TVP23A: variants seen among roughly 807,000 people sequenced by gnomAD.
TVP23A encodes the protein trans-golgi network vesicle protein 23 homolog A.
A neutral mutation model predicts 31.7 loss-of-function variants in TVP23A; 21 were observed. That is an observed-to-expected ratio of 0.66 (90% confidence interval 0.47 to 0.95). The LOEUF (loss-of-function observed/expected upper bound fraction) is 0.95. TVP23A is among the 40% of genes least tolerant of loss of function. The pLI is 0.00. For synonymous variants in TVP23A, 104 were observed against 96.0 expected, an observed-to-expected ratio of 1.08 and a Z score of -0.49; for missense variants, 279 against 255.6, an observed-to-expected ratio of 1.09 and a Z score of -0.62.
At position 10,789,282 on chromosome 16, in the gene TVP23A, T is replaced by C. The variant is rs148588957; in HGVS notation, c.90-14186A>G. Among the ~76,000 whole-genome samples, 211 of 152,254 alleles carry C rather than the reference T, an allele frequency of 1.4e-3. 1 individual carries two copies. Among genetic ancestry groups the C allele is most frequent in the African/African-American group, 4.9e-3 (203 of 41,550 alleles). On this transcript the variant is annotated intron_variant, in intron 2 of 7. Transcript: ENST00000299866. Reference sequence around the variant, plus strand: ...AGCACCTGGAAAGGGAAGGGGGTTCTCAACAGAGTGCAGAATTCCCCCCCA... The same window carrying C: ...AGCACCTGGAAAGGGAAGGGGGTTCCCAACAGAGTGCAGAATTCCCCCCCA...
Position 10,818,533 on chromosome 16 carries a change from T to C in TVP23A, c.-40A>G. ...CCCACCTGGCGCCCAGGCCCGGGGC[T>C]CCAGCTCCGCCCGTCGCCGCTGAAG... On this transcript the variant is annotated 5_prime_UTR_variant, in exon 1 of 8. Transcript: ENST00000299866. This position sits in a 1 kb window ranked among gnomAD's most constrained non-coding sequence, Gnocchi z 4.7. 5 of 1,595,126 alleles carry C rather than the reference T, an allele frequency of 3.1e-6. No homozygotes were observed. The highest frequency in any genetic ancestry group is 4.3e-6 in the Non-Finnish European group (5 of 1,176,254).
intron 2 of TVP23A, among the ~76,000 whole-genome samples, chr16:10,795,906 C>T (rs1201704730): frequency 1.3e-5 from 2 of 152,108 alleles, no homozygotes; most frequent in African/African-American, 2.4e-5. Flanking sequence ...TGAAAACACT[C>T]GGATCTGGAT....
At chr16:10,811,948 C>T (rs1027214015) in intron 2 of TVP23A, among the ~76,000 whole-genome samples, 3 of 141,864 alleles carry the variant, frequency 2.1e-5, no homozygotes, top group Admixed American at 7.0e-5. Flanking sequence ...AACGGAATTA[C>T]ATTAAACCTA....
intron 2 of TVP23A, among the ~76,000 whole-genome samples, chr16:10,807,893 T>G (rs1409979530): frequency 6.6e-6 from 1 of 152,164 alleles, no homozygotes; most frequent in Non-Finnish European, 1.5e-5. Flanking sequence ...GTTTTTTCTT[T>G]TTAGAGGTGG....
At chr16:10,814,868 A>C (rs28513723) in intron 2 of TVP23A, among the ~76,000 whole-genome samples, 4,120 of 151,922 alleles carry the variant, frequency 0.027, 213 homozygotes, top group African/African-American at 0.095. Flanking sequence ...TTGGTTGCTA[A>C]GTGCTGCAGG....
At chr16:10,773,265 T>C (rs765155354) in intron 5 of TVP23A, 48 bp downstream of exon 5, 2 of 1,548,864 alleles carry the variant, frequency 1.3e-6, no homozygotes, top group Non-Finnish European at 1.7e-6. Context: ...GCAAACACTT[T>C]TTTTGCAGAG....
chr16:10,799,750 C>T (rs2033600024), intron 2 of TVP23A, among the ~76,000 whole-genome samples: 1 of 152,158 alleles, frequency 6.6e-6, no homozygotes, highest in Non-Finnish European at 1.5e-5. Flanking sequence ...TGAGGGGTCC[C>T]AGGCTTACTT....
At chr16:10,773,262 C>T (rs1293013610) in intron 5 of TVP23A, 51 bp downstream of exon 5, 1 of 1,544,348 alleles carries the variant, frequency 6.5e-7, no homozygotes, top group African/African-American at 1.4e-5. Context: ...GGTGCAAACA[C>T]TTTTTTTGCA....
At chr16:10,788,643 C>T (rs1175514612) in intron 2 of TVP23A, among the ~76,000 whole-genome samples, 1 of 152,128 alleles carries the variant, frequency 6.6e-6, no homozygotes, top group Non-Finnish European at 1.5e-5. Context: ...GAGTTCTGGT[C>T]TCCACACTAT....
Position 10,766,762 on chromosome 16 carries a change from G to T in TVP23A, c.*2340C>A, listed in dbSNP as rs144218218. On this transcript the variant is annotated 3_prime_UTR_variant, in exon 8 of 8. Transcript: ENST00000299866. This position sits in a 1 kb window ranked among gnomAD's most constrained non-coding sequence, Gnocchi z 4.8. ...CGGGCCTGAGAATAGGGGCTCAAAGGCCCCATTACAGAGTTTTTGTGTTTA... is the reference window on the plus strand; with the variant it reads ...CGGGCCTGAGAATAGGGGCTCAAAGTCCCCATTACAGAGTTTTTGTGTTTA... The T allele has an allele frequency of 1.5e-3, 592 of 396,274 alleles. 1 individual carries two copies. The highest frequency in any genetic ancestry group is 2.9e-3 in the Admixed American group (65 of 22,664). 24.5% of individuals were successfully genotyped at this position (396,274 alleles called of 1,614,324 possible).
chr16:10,810,769 G>A (rs751706159), intron 2 of TVP23A, among the ~76,000 whole-genome samples: 1 of 151,908 alleles, frequency 6.6e-6, no homozygotes, highest in Non-Finnish European at 1.5e-5. Flanking sequence ...CTTACACGTC[G>A]GCCCCTCTGT....
At chr16:10,758,995 T>G (rs139311856), downstream of TVP23A, among the ~76,000 whole-genome samples, 32 of 152,262 alleles carry the variant, frequency 2.1e-4, no homozygotes, top group African/African-American at 6.7e-4. Flanking sequence ...AACTGAGGGC[T>G]CTTCTCCATC....
At chr16:10,761,400 T>A (rs1282669631) in exon 9 of TVP23A, 2 of 1,614,022 alleles carry the variant, frequency 1.2e-6, no homozygotes, top group Non-Finnish European at 8.5e-7. Context: ...AGAAATCAAC[T>A]TCTGCCGCAA....
At chr16:10,769,168 GC>G in intron 7 of TVP23A, 67 bp from the exon 8 acceptor site, 2 of 1,512,156 alleles carry the variant, frequency 1.3e-6, no homozygotes, top group Non-Finnish European at 1.8e-6. Flanking sequence ...AGCACATCCA[GC>G]CAGACCCGAC....
chr16:10,804,100 T>G (rs2033833704), intron 2 of TVP23A, among the ~76,000 whole-genome samples: 1 of 152,126 alleles, frequency 6.6e-6, no homozygotes, highest in Non-Finnish European at 1.5e-5. Context: ...GGGCTCTGGG[T>G]GAGTGGCCTT....
At chr16:10,801,891 C>G (rs886945673) in intron 2 of TVP23A, among the ~76,000 whole-genome samples, 1 of 152,092 alleles carries the variant, frequency 6.6e-6, no homozygotes, top group Admixed American at 6.5e-5. Flanking sequence ...ACATTGATGG[C>G]TGGACACAGT....
rs1219932936 is a variant in TVP23A, at chr16:10,770,320, A to G, written c.594T>C (p.Gly198=). 4 of 1,550,958 alleles carry G rather than the reference A, an allele frequency of 2.6e-6. No individual in the cohort carries two copies. The highest frequency in any genetic ancestry group is 3.5e-6 in the Non-Finnish European group (4 of 1,146,900). Residue 198 remains glycine, a synonymous_variant, in exon 7 of 8, where the codon GGT becomes GGC. Transcript: ENST00000299866. ...CCTCGAGGCCAGGCTTCTGAAAGTC[A>G]CCTGGGCAGGCCTGCAAGGGGAAAA... The part of the protein sequence containing the change: ...SQTVFQTACP[G]DFQKPGLEGL...
At chr16:10,811,975 A>G (rs1194813927) in intron 2 of TVP23A, among the ~76,000 whole-genome samples, 3 of 152,016 alleles carry the variant, frequency 2.0e-5, no homozygotes, top group Non-Finnish European at 4.4e-5. Flanking sequence ...TTTGTGCATC[A>G]GAAGACACAA....
chr16:10,780,476 T>C (rs1454793497), intron 2 of TVP23A, among the ~76,000 whole-genome samples: 1 of 152,216 alleles, frequency 6.6e-6, no homozygotes, highest in Admixed American at 6.5e-5. Context: ...GCACTGGCTC[T>C]CTCAGCTTTT....
Sources: gnomAD v4.1 joint callset for allele counts (sites outside exome capture counted in the v4.1 genomes callset) on GRCh38, gnomAD v4.1.1 for gene constraint, Gnocchi (gnomAD v3.1) non-coding constraint, MANE v1.5 for transcripts, NCBI Gene and HGNC (gene_info 2026-07-23, HGNC 2026-07-21) for gene names.